Variants in THSD4 observed in about 807,000 individuals in gnomAD.
THSD4 encodes thrombospondin type-1 domain-containing protein 4.
A neutral mutation model predicts 119.0 loss-of-function variants in THSD4; 69 were observed. That is an observed-to-expected ratio of 0.58 (90% confidence interval 0.48 to 0.71). THSD4 has a LOEUF of 0.71. Among genes scored for constraint, THSD4 ranks in the 30% least tolerant of loss-of-function variants. The pLI, the probability that THSD4 is intolerant of heterozygous loss-of-function variation, is 0.00. For synonymous variants in THSD4, 524 were observed against 540.4 expected, an observed-to-expected ratio of 0.97 and a Z score of 0.42; for missense variants, 1,393 against 1,391.1, an observed-to-expected ratio of 1.00 and a Z score of -0.02.
At chr15:71,449,080 G>A (rs1463285891) in intron 7 of THSD4, among the ~76,000 whole-genome samples, 2 of 152,144 alleles carry the variant, frequency 1.3e-5, no homozygotes, top group African/African-American at 2.4e-5. Flanking sequence ...TCTGACCAGC[G>A]GGCGACCTGG....
intron 6 of THSD4, among the ~76,000 whole-genome samples, chr15:71,380,164 C>G (rs2046209035): frequency 6.6e-6 from 1 of 152,088 alleles, no homozygotes; most frequent in Non-Finnish European, 1.5e-5. Context: ...TGTAAGGACT[C>G]AAGTATGCAA....
chr15:71,745,867 A>AC (rs2053326958), intron 12 of THSD4, among the ~76,000 whole-genome samples: 1 of 151,932 alleles, frequency 6.6e-6, no homozygotes, highest in Non-Finnish European at 1.5e-5. Flanking sequence ...CTGGTCTTGA[A>AC]CTCCTGAGCA....
At chr15:71,733,861 A>C (rs1027707284) in intron 10 of THSD4, 1 of 145,902 alleles carries the variant, frequency 6.9e-6, no homozygotes, top group African/African-American at 2.6e-5. Context: ...CACAGGGTGC[A>C]GTGAGCCTCC....
At chr15:71,374,799 A>G (rs960351018) in intron 6 of THSD4, among the ~76,000 whole-genome samples, 2 of 152,200 alleles carry the variant, frequency 1.3e-5, no homozygotes, top group Non-Finnish European at 2.9e-5. Flanking sequence ...AGACAAGGCT[A>G]TTACTCAAGC....
chr15:71,136,670 G>A (rs1254261425), intron 1 of THSD4, among the ~76,000 whole-genome samples: 2 of 151,516 alleles, frequency 1.3e-5, no homozygotes, highest in Non-Finnish European at 2.9e-5. Context: ...GTGTAGGAGG[G>A]AGGGAGGGAG....
intron 7 of THSD4, among the ~76,000 whole-genome samples, chr15:71,644,920 C>CA (rs11459408): frequency 0.27 from 40,573 of 151,996 alleles, 6,047 homozygotes; most frequent in East Asian, 0.64. Flanking sequence ...AATAACGGTT[C>CA]AAAATGAACA....
At chr15:71,304,944 C>T (rs1211972247) in intron 6 of THSD4, among the ~76,000 whole-genome samples, 1 of 152,208 alleles carries the variant, frequency 6.6e-6, no homozygotes, top group Non-Finnish European at 1.5e-5. Flanking sequence ...CCAATAAAGA[C>T]TATTTTTTGT....
intron 2 of THSD4, among the ~76,000 whole-genome samples, chr15:71,145,882 G>C (rs1005889712): frequency 2.0e-5 from 3 of 152,040 alleles, no homozygotes; most frequent in African/African-American, 7.2e-5. Context: ...GCAGGAGGAG[G>C]AGGGGAAGAG....
intron 7 of THSD4, among the ~76,000 whole-genome samples, chr15:71,586,376 C>A (rs986943318): frequency 1.3e-5 from 2 of 152,308 alleles, no homozygotes; most frequent in Admixed American, 1.3e-4. Context: ...GGGCTGAAAT[C>A]AAGGCATTTA....
chr15:71,557,427 G>A (rs2049037742), intron 7 of THSD4, among the ~76,000 whole-genome samples: 1 of 152,018 alleles, frequency 6.6e-6, no homozygotes, highest in Admixed American at 6.6e-5. Context: ...GAGAGTGCCT[G>A]TAAACTTTTC....
chr15:71,533,329 T>G lies in THSD4; in HGVS notation c.1152+121506T>G, dbSNP rs572252340. ...ACCATGCTGGAGAATAGCCTTCTGA[T>G]CACTTTTTCTGTGTGTAATGAAAAT... On this transcript the variant is annotated intron_variant, in intron 7 of 17. Transcript: ENST00000261862. Among the ~76,000 whole-genome samples, 5 of 152,360 alleles carry G rather than the reference T, an allele frequency of 3.3e-5. No homozygotes were observed. In the South Asian group the frequency reaches 1.0e-3, roughly 32 times the overall value.
chr15:71,210,544 T>C (rs1281022023), intron 3 of THSD4, among the ~76,000 whole-genome samples: 1 of 152,178 alleles, frequency 6.6e-6, no homozygotes, highest in East Asian at 1.9e-4. Flanking sequence ...AAAGATTTTC[T>C]AGTTGGGCTC....
intron 7 of THSD4, among the ~76,000 whole-genome samples, chr15:71,573,413 A>G (rs1382334226): frequency 1.3e-5 from 2 of 152,220 alleles, no homozygotes; most frequent in South Asian, 2.1e-4. Context: ...TTCATTTTTT[A>G]GTGAAGCGCA....
intron 7 of THSD4, among the ~76,000 whole-genome samples, chr15:71,591,762 T>A (rs2049812250): frequency 6.7e-6 from 1 of 148,536 alleles, no homozygotes. Context: ...AATCAATAAA[T>A]CCAGATATGT....
At chr15:71,363,904 C>T (rs978281534) in intron 6 of THSD4, among the ~76,000 whole-genome samples, 22 of 152,174 alleles carry the variant, frequency 1.4e-4, no homozygotes, top group Admixed American at 3.3e-4. Flanking sequence ...GAAAGGGTTC[C>T]TTGAACAATG....
chr15:71,631,463 T>C (rs1420187711), intron 7 of THSD4, among the ~76,000 whole-genome samples: 1 of 152,148 alleles, frequency 6.6e-6, no homozygotes, highest in African/African-American at 2.4e-5. Context: ...TTTGTCGTCT[T>C]TAGTGGTTAG....
chr15:71,663,473 T>TA (rs2141001155), intron 8 of THSD4, among the ~76,000 whole-genome samples: 1 of 152,334 alleles, frequency 6.6e-6, no homozygotes, highest in East Asian at 1.9e-4. Context: ...CTAGAGCACT[T>TA]ACGTCACCTG....
At chr15:71,325,647 A>G (rs1049467605) in intron 6 of THSD4, among the ~76,000 whole-genome samples, 14 of 152,192 alleles carry the variant, frequency 9.2e-5, no homozygotes, top group African/African-American at 2.7e-4. Context: ...CAATTTCCAC[A>G]TTTGTGCAAT....
At chr15:71,544,313 A>G (rs1057413906) in intron 7 of THSD4, among the ~76,000 whole-genome samples, 1 of 152,214 alleles carries the variant, frequency 6.6e-6, no homozygotes. Flanking sequence ...TCATGGTTAC[A>G]TGAAACTATT....
Sources: allele counts gnomAD v4.1 joint callset (sites outside exome capture counted in the v4.1 genomes callset), GRCh38; gene constraint gnomAD v4.1.1; transcripts MANE v1.5; gene names NCBI Gene and HGNC (gene_info 2026-07-23, HGNC 2026-07-21).